CPEB3: variants seen among roughly 807,000 people sequenced by gnomAD.
CPEB3 encodes cytoplasmic polyadenylation element binding protein 3, also known as cytoplasmic polyadenylation element-binding protein 3.
Under a neutral mutation model 67.2 loss-of-function variants are expected in CPEB3, and 20 were observed. The observed-to-expected ratio is 0.30, with a 90% CI of 0.21 to 0.43. The LOEUF (loss-of-function observed/expected upper bound fraction) is 0.43. Ranked by LOEUF, CPEB3 falls within the 20% of genes least tolerant of loss-of-function variation. The pLI is 1.00. For synonymous variants in CPEB3, 376 were observed against 393.1 expected (o/e 0.96, Z 0.51); for missense variants, 746 against 968.6 (o/e 0.77, Z 3.05).
At chr10:92,087,379 G>C (rs2133264029) in intron 8 of CPEB3, among the ~76,000 whole-genome samples, 1 of 152,312 alleles carries the variant, frequency 6.6e-6, no homozygotes, top group Non-Finnish European at 1.5e-5. Flanking sequence ...TGTTAGGAAA[G>C]ATAGAACCAA....
intron 1 of CPEB3, among the ~76,000 whole-genome samples, chr10:92,278,357 T>G (rs1030836428): frequency 3.9e-5 from 6 of 152,174 alleles, no homozygotes; most frequent in African/African-American, 9.7e-5. Flanking sequence ...TTAAATCTTC[T>G]AATGAACATG....
At chr10:92,054,257 G>A (rs1842029024) in intron 9 of CPEB3, among the ~76,000 whole-genome samples, 1 of 151,762 alleles carries the variant, frequency 6.6e-6, no homozygotes, top group African/African-American at 2.4e-5. Flanking sequence ...TTCAAGCCTG[G>A]CCTGAGCAGC....
At position 92,068,487 on chromosome 10, in the gene CPEB3, A is replaced by G. The variant is rs12571053; in HGVS notation, c.1869+12833T>C. ...TTTCAACAAGTAGGAATAAGCACTC[A>G]CCAAAAGACTGCTAACTTACTTCTA... On this transcript the variant is annotated intron_variant, in intron 9 of 9. Coordinates refer to ENST00000265997, the MANE Select transcript of CPEB3 (RefSeq NM_014912.5). 3.2e-4 allele frequency among the ~76,000 whole-genome samples: 49 copies of G among 152,296 alleles called. No individual in the cohort carries two copies. In the East Asian group the frequency reaches 9.3e-3, roughly 29 times the overall value.
At chr10:92,157,147 TA>T (rs1847246144) in intron 4 of CPEB3, among the ~76,000 whole-genome samples, 2 of 152,206 alleles carry the variant, frequency 1.3e-5, no homozygotes, top group Admixed American at 1.3e-4. Context: ...AGCACCAAAG[TA>T]ACTTATATTT....
Position 92,240,239 on chromosome 10 carries a change from TG to T in CPEB3, c.111del (p.Thr38ArgfsTer44). The part of the protein sequence containing the change: ...QPESSVSEAP[S>X]TPLSSETPKP... ...TTGGGGGTCTCTGAGGAGAGGGGCGTGGACGGGGCTTCGGATACGCTGGACT... is the reference window on the plus strand; with the variant it reads ...TTGGGGGTCTCTGAGGAGAGGGGCGTGACGGGGCTTCGGATACGCTGGACT... On this transcript the variant is annotated frameshift_variant, in exon 2 of 10. Transcript: ENST00000265997. LOFTEE classifies it high-confidence loss of function. 6.6e-7 allele frequency: 1 copy of T among 1,509,240 alleles called. No homozygotes were observed. The highest frequency in any genetic ancestry group is 8.9e-7 in the Non-Finnish European group (1 of 1,127,074). 93.5% of individuals were successfully genotyped at this position (1,509,240 alleles called of 1,614,324 possible). A position where few individuals can be genotyped will look rare whatever the true frequency, so the allele number is the denominator to read the frequency against.
At chr10:92,251,992 C>G (rs911370174) in intron 1 of CPEB3, among the ~76,000 whole-genome samples, 9 of 149,304 alleles carry the variant, frequency 6.0e-5, no homozygotes, top group Non-Finnish European at 1.2e-4. Flanking sequence ...ATAAGTAAGA[C>G]AGTATTCGAA....
chr10:92,217,274 T>C (rs202009251), intron 2 of CPEB3, among the ~76,000 whole-genome samples: 27 of 125,920 alleles, frequency 2.1e-4, no homozygotes, highest in East Asian at 7.6e-4. Context: ...CACACACACA[T>C]ATATATATGC....
At chr10:92,270,794 T>C (rs1853274920) in intron 1 of CPEB3, among the ~76,000 whole-genome samples, 1 of 151,774 alleles carries the variant, frequency 6.6e-6, no homozygotes, top group African/African-American at 2.4e-5. Context: ...CATCTCAAAC[T>C]CCTGAGCTCA....
intron 1 of CPEB3, among the ~76,000 whole-genome samples, chr10:92,281,696 A>G (rs778188675): frequency 1.3e-5 from 2 of 152,334 alleles, no homozygotes; most frequent in East Asian, 3.9e-4. Context: ...GTGTATCTAA[A>G]AGTCAAGGTT....
At chr10:92,216,740 G>A (rs1358087679) in intron 2 of CPEB3, 3 of 1,609,168 alleles carry the variant, frequency 1.9e-6, no homozygotes, top group East Asian at 2.2e-5. Context: ...GGAGTACCAG[G>A]AGGCTTACGA....
intron 4 of CPEB3, among the ~76,000 whole-genome samples, chr10:92,163,069 T>C (rs559470482): frequency 1.8e-4 from 28 of 152,172 alleles, no homozygotes; most frequent in Non-Finnish European, 3.7e-4. Context: ...GTACATTCCA[T>C]GGGTTTTGAT....
intron 3 of CPEB3, among the ~76,000 whole-genome samples, chr10:92,190,257 G>T (rs975367821): frequency 6.8e-6 from 1 of 146,320 alleles, no homozygotes; most frequent in Non-Finnish European, 1.5e-5. Flanking sequence ...CAGCCTGGGC[G>T]ACAAGAGCAA....
chr10:92,104,379 C>CTTT (rs397845791), intron 7 of CPEB3, among the ~76,000 whole-genome samples: 1 of 127,220 alleles, frequency 7.9e-6, no homozygotes, highest in Non-Finnish European at 1.6e-5. Context: ...GGAAATGCAA[C>CTTT]TTTTTTTTTT....
intron 4 of CPEB3, among the ~76,000 whole-genome samples, chr10:92,153,195 C>T (rs1274366759): frequency 1.3e-5 from 2 of 152,300 alleles, no homozygotes; most frequent in East Asian, 3.9e-4. Flanking sequence ...AGCAGGATGG[C>T]GTGCTTCTAG....
intron 2 of CPEB3, among the ~76,000 whole-genome samples, chr10:92,218,673 T>G (rs1408377718): frequency 6.6e-6 from 1 of 152,158 alleles, no homozygotes; most frequent in Non-Finnish European, 1.5e-5. Flanking sequence ...TAGGCCAACA[T>G]AAACTGTCAA....
At chr10:92,287,099 G>T (rs372498298) in intron 1 of CPEB3, among the ~76,000 whole-genome samples, 1 of 150,824 alleles carries the variant, frequency 6.6e-6, no homozygotes, top group Non-Finnish European at 1.5e-5. Context: ...AGTCATGCTG[G>T]TTACTCTCTT....
chr10:92,227,640 G>C (rs1590450426), intron 2 of CPEB3, among the ~76,000 whole-genome samples: 1 of 151,472 alleles, frequency 6.6e-6, no homozygotes, highest in African/African-American at 2.4e-5. Context: ...GCCCAGGCTG[G>C]AGTGCAGTGG....
chr10:92,126,988 T>C (rs768861062), intron 6 of CPEB3, among the ~76,000 whole-genome samples: 42 of 152,178 alleles, frequency 2.8e-4, no homozygotes, highest in African/African-American at 6.3e-4. Flanking sequence ...CTGAAGGTCA[T>C]TGAGCCAAGT....
At chr10:92,129,309 G>A (rs1564803149) in intron 6 of CPEB3, among the ~76,000 whole-genome samples, 1 of 152,182 alleles carries the variant, frequency 6.6e-6, no homozygotes, top group East Asian at 1.9e-4. Context: ...ACACATAGAG[G>A]GGAACAACAG....
Sources: gnomAD v4.1 joint callset for allele counts (sites outside exome capture counted in the v4.1 genomes callset) on GRCh38, gnomAD v4.1.1 for gene constraint, MANE v1.5 for transcripts, NCBI Gene and HGNC (gene_info 2026-07-23, HGNC 2026-07-21) for gene names.